GZMK: variants seen among roughly 807,000 people sequenced by gnomAD.
The protein encoded by GZMK is NK-Tryp-2.
GZMK carries 18 observed loss-of-function variants against 22.8 expected under a neutral mutation model. The ratio of observed to expected loss-of-function variants is 0.79; its 90% confidence interval spans 0.54 to 1.17. GZMK has a LOEUF of 1.17. Ranked by LOEUF, GZMK falls within the 50% of genes most tolerant of loss-of-function variation. GZMK has a pLI of 0.00. For missense variants in GZMK, 342 were observed against 320.2 expected (o/e 1.07, Z -0.52); for synonymous variants, 136 against 115.0 (o/e 1.18, Z -1.17).
chr5:55,033,948 T>G lies in GZMK; in HGVS notation c.*22T>G. On this transcript the variant is annotated 3_prime_UTR_variant, in exon 5 of 5. Coordinates refer to ENST00000231009, the MANE Select transcript of GZMK (RefSeq NM_002104.3). ...TTAAGTTACAAATAATTTTATTGGA[T>G]GCACTTGCTTCTTTTTTCCTAATAT... The G allele has an allele frequency of 6.3e-7, 1 of 1,594,280 alleles. No individual in the cohort carries two copies. Among genetic ancestry groups the G allele is most frequent in the Non-Finnish European group, 8.6e-7 (1 of 1,169,322 alleles).
intron 2 of GZMK, among the ~76,000 whole-genome samples, chr5:55,029,846 A>C (rs1580299949): frequency 1.3e-5 from 2 of 152,152 alleles, no homozygotes; most frequent in African/African-American, 4.8e-5. Context: ...ATGAGCCACC[A>C]CACCTGGCTA....
chr5:55,033,739 G>T (rs775245936), intron 4 of GZMK, 26 bp from the exon 5 acceptor site: 16 of 1,567,908 alleles, frequency 1.0e-5, no homozygotes, highest in Non-Finnish European at 1.4e-5. Context: ...TTCTTACCAC[G>T]TATTTGCCCT....
At chr5:55,028,494 T>C (rs1344521145) in intron 2 of GZMK, 1 of 152,208 alleles carries the variant, frequency 6.6e-6, no homozygotes, top group East Asian at 1.9e-4. Flanking sequence ...CAAAAAGTGG[T>C]CATTCCAGGC....
In GZMK at chr5:55,033,840, G is replaced by T. The variant is rs145564950; in HGVS notation, c.709G>T (p.Ala237Ser). ...CTCTGGAGGTCATGAATGTGGTGTT[G>T]CCACAAAGCCTGGAATCTACACCCT... is the stretch of plus-strand genomic sequence containing the variant. ...IVSGGHECGVATKPGIYTLLT... is the reference protein window; with the variant it reads ...IVSGGHECGVSTKPGIYTLLT... The change falls in exon 5 of 5, where the codon GCC becomes TCC. Residue 237 changes from alanine to serine, a missense_variant. Physicochemically the swap from Ala to Ser is moderately conservative, Grantham distance 99. Coordinates refer to ENST00000231009, the MANE Select transcript of GZMK (RefSeq NM_002104.3). 9.9e-6 allele frequency: 16 copies of T among 1,612,264 alleles called. No individual in the cohort carries two copies. The African/African-American group carries it at 2.0e-4, about 20-fold the overall frequency.
At chr5:55,030,367 C>A in intron 2 of GZMK, 67 bp from the exon 3 acceptor site, 1 of 1,451,378 alleles carries the variant, frequency 6.9e-7, no homozygotes, top group South Asian at 1.2e-5. Flanking sequence ...CCCTCTCGAC[C>A]ATCACCACTC....
At chr5:55,030,823 T>C (rs957969940) in intron 3 of GZMK, among the ~76,000 whole-genome samples, 2 of 152,166 alleles carry the variant, frequency 1.3e-5, no homozygotes, top group East Asian at 1.9e-4. Context: ...ACTCAACATA[T>C]GTAGGAGGGG....
intron 2 of GZMK, among the ~76,000 whole-genome samples, chr5:55,029,614 G>A (rs1277248894): frequency 6.6e-6 from 1 of 152,084 alleles, no homozygotes; most frequent in Non-Finnish European, 1.5e-5. Context: ...CCCAGGCTGT[G>A]ACACTTCAGC....
chr5:55,030,166 T>C (rs1428262772), intron 2 of GZMK, among the ~76,000 whole-genome samples: 1 of 152,222 alleles, frequency 6.6e-6, no homozygotes, highest in Non-Finnish European at 1.5e-5. Context: ...TTCACTCCTT[T>C]TTCTTCCCCC....
At chr5:55,030,706 A>AGGTG (rs1741216502) in intron 3 of GZMK, 122 bp downstream of exon 3, 1 of 728,224 alleles carries the variant, frequency 1.4e-6, no homozygotes, top group African/African-American at 1.8e-5. Context: ...GGTGATTATG[A>AGGTG]TATATTTTAT....
In GZMK at chr5:55,033,807, G is replaced by T; in HGVS notation, c.676G>T (p.Ala226Ser). The T allele has an allele frequency of 6.2e-7, 1 of 1,613,716 alleles. No homozygotes were observed. Among genetic ancestry groups the T allele is most frequent in the Non-Finnish European group, 8.5e-7 (1 of 1,179,832 alleles). ...GPLICKGVFH[A>S]IVSGGHECGV... is the part of the protein sequence containing the mutation. Reference sequence around the variant, plus strand: ...CTTGATCTGTAAAGGTGTCTTCCACGCTATAGTCTCTGGAGGTCATGAATG... The same window carrying T: ...CTTGATCTGTAAAGGTGTCTTCCACTCTATAGTCTCTGGAGGTCATGAATG... Residue 226 changes from alanine (A) to serine (S), a missense_variant, in exon 5 of 5, where the codon GCT becomes TCT. By Grantham distance (99) the Ala-to-Ser change is moderately conservative (BLOSUM62 1). Transcript: ENST00000231009.
At chr5:55,030,801 A>C (rs1481710971) in intron 3 of GZMK, among the ~76,000 whole-genome samples, 1 of 152,226 alleles carries the variant, frequency 6.6e-6, no homozygotes, top group African/African-American at 2.4e-5. Context: ...TACAAGGAAA[A>C]GCAACTCTGA....
chr5:55,025,021 C>T (rs1741123112), intron 2 of GZMK: 1 of 404,234 alleles, frequency 2.5e-6, no homozygotes, highest in African/African-American at 2.0e-5. Context: ...CCAGGCAAGA[C>T]ATTAGACAAA....
chr5:55,031,736 A>G, intron 4 of GZMK, 103 bp downstream of exon 4: 1 of 861,144 alleles, frequency 1.2e-6, no homozygotes, highest in Non-Finnish European at 1.8e-6. Flanking sequence ...GGAGAATACA[A>G]AACCACAATT....
chr5:55,033,778 G>A lies in GZMK; in HGVS notation c.647G>A (p.Gly216Asp). Residue 216 changes from glycine (G) to aspartate (D), a missense_variant, in exon 5 of 5, where the codon GGC becomes GAC. By Grantham distance (94) the Gly-to-Asp change is moderately conservative. Coordinates refer to ENST00000231009, the MANE Select transcript of GZMK (RefSeq NM_002104.3). The part of the protein sequence containing the change: ...QKDSCKGDSG[G>D]PLICKGVFHA... ...TCTTCCTTCCAGGGTGACTCAGGGG[G>A]CCCCTTGATCTGTAAAGGTGTCTTC... 2 of 1,599,264 alleles carry A rather than the reference G, an allele frequency of 1.3e-6. No homozygotes were observed. The highest frequency in any genetic ancestry group is 8.5e-7 in the Non-Finnish European group (1 of 1,176,034).
chr5:55,031,535 A>G lies in GZMK; in HGVS notation c.535A>G (p.Lys179Glu), dbSNP rs1200135174. The stretch of plus-strand genomic sequence containing the variant: ...AGTCACTGTTACTGTCCTAAGTCGA[A>G]AACTTTGCAACAGCCAAAGTTACTA... ...REVTVTVLSR[K>E]LCNSQSYYNG... Residue 179 changes from lysine (K) to glutamate (E), a missense_variant, in exon 4 of 5, where the codon AAA (lysine) becomes GAA (glutamate). Transcript: ENST00000231009. The G allele has an allele frequency of 6.2e-7, 1 of 1,614,076 alleles. No homozygotes were observed. Among genetic ancestry groups the G allele is most frequent in the East Asian group, 2.2e-5 (1 of 44,882 alleles).
intron 2 of GZMK, 31 bp from the exon 3 acceptor site, chr5:55,030,403 C>T: frequency 6.2e-7 from 1 of 1,608,700 alleles, no homozygotes; most frequent in Non-Finnish European, 8.5e-7. Flanking sequence ...GGAAATCATT[C>T]TGCTGCTTTC....
At chr5:55,025,649 GTA>G (rs1313285548) in intron 2 of GZMK, 1 of 152,058 alleles carries the variant, frequency 6.6e-6, no homozygotes, top group African/African-American at 2.4e-5. Flanking sequence ...TTTTTTGTTT[GTA>G]TATATGTTTC....
At chr5:55,030,251 T>A in intron 2 of GZMK, 183 bp from the exon 3 acceptor site, 1 of 533,846 alleles carries the variant, frequency 1.9e-6, no homozygotes, top group Non-Finnish European at 3.3e-6. Context: ...GCAAGTCATT[T>A]GGCCCTTAAT....
At chr5:55,027,303 C>T (rs777726506) in intron 2 of GZMK, among the ~76,000 whole-genome samples, 26 of 152,226 alleles carry the variant, frequency 1.7e-4, no homozygotes, top group South Asian at 4.1e-4. Flanking sequence ...CTGATGTTGA[C>T]GAGATAAGAC....
Sources: gnomAD v4.1 joint callset for allele counts (sites outside exome capture counted in the v4.1 genomes callset) on GRCh38, gnomAD v4.1.1 for gene constraint, MANE v1.5 for transcripts, NCBI Gene and HGNC (gene_info 2026-07-23, HGNC 2026-07-21) for gene names.